PDZD2: variants seen among roughly 807,000 people sequenced by gnomAD.
PDZD2 encodes the protein PDZ domain-containing protein 2.
In PDZD2, 90 loss-of-function variants were observed where a neutral mutation model predicts 220.7. That is an observed-to-expected ratio of 0.41 (90% CI 0.34 to 0.49). The LOEUF is 0.49. Ranked by LOEUF, PDZD2 falls within the 20% of genes least tolerant of loss-of-function variation. PDZD2 has a pLI of 0.28. For missense variants in PDZD2, 3,174 were observed against 3,608.5 expected (o/e 0.88, Z 3.08); for synonymous variants, 1,375 against 1,450.5 (o/e 0.95, Z 1.18).
chr5:32,060,425 A>G (rs187851152), intron 13 of PDZD2, among the ~76,000 whole-genome samples: 20 of 152,282 alleles, frequency 1.3e-4, no homozygotes, highest in African/African-American at 4.3e-4. Flanking sequence ...ATTTGTTCAA[A>G]TTTGAAACGT....
intron 3 of PDZD2, among the ~76,000 whole-genome samples, chr5:31,989,429 T>TTTTTTTTTTTTTTTAATTTATTTATTTTA (rs1561278009): frequency 6.8e-6 from 1 of 147,724 alleles, no homozygotes; most frequent in African/African-American, 2.5e-5. Context: ...TTCTTTTTTT[T>TTTTTTTTTTTTTTTAATTTATTTATTTTA]TTTTTTTTTT....
chr5:32,006,575 C>G lies in PDZD2; in HGVS notation c.1255-3755C>G, dbSNP rs114859736. ...AATTTTTTGTAGAGGCAATCTCTCTCTGTGTTGCTCAGGCTGGTCTCAAAC... is the reference window on the plus strand; with the variant it reads ...AATTTTTTGTAGAGGCAATCTCTCTGTGTGTTGCTCAGGCTGGTCTCAAAC... On this transcript the variant is annotated intron_variant, in intron 5 of 24. Transcript: ENST00000438447. Among the ~76,000 whole-genome samples, 1,476 of 151,404 alleles carry G rather than the reference C, an allele frequency of 9.7e-3. 22 individuals carry two copies. The highest frequency in any genetic ancestry group is 0.034 in the African/African-American group (1,401 of 41,304).
intron 15 of PDZD2, among the ~76,000 whole-genome samples, chr5:32,071,070 A>T (rs1416197010): frequency 1.3e-5 from 2 of 152,256 alleles, no homozygotes; most frequent in Non-Finnish European, 2.9e-5. Flanking sequence ...ACATTATATG[A>T]TGTACATGAA....
At position 32,097,287 on chromosome 5, in the gene PDZD2, A is replaced by T. The variant is rs1743808737; in HGVS notation, c.7854A>T (p.Glu2618Asp). The T allele has an allele frequency of 5.0e-6, 8 of 1,604,946 alleles. No homozygotes were observed. Among genetic ancestry groups the T allele is most frequent in the East Asian group, 4.5e-5 (2 of 44,846 alleles). ...TTGTTTGTTTTCACTAGAATGAAGA[A>T]GATGTTTGCTTCATAGTCTTGAATA... is the stretch of plus-strand genomic sequence containing the variant. ...QEAKAQSENEEDVCFIVLNRK... is the reference protein window; with the variant it reads ...QEAKAQSENEDDVCFIVLNRK... Residue 2618 changes from glutamate (E) to aspartate (D), a missense_variant, in exon 22 of 25, where the codon GAA becomes GAT. Transcript: ENST00000438447.
At chr5:31,681,479 C>T (rs993538080) in intron 1 of PDZD2, among the ~76,000 whole-genome samples, 2 of 152,102 alleles carry the variant, frequency 1.3e-5, no homozygotes, top group Non-Finnish European at 2.9e-5. Flanking sequence ...AACTCCTGAC[C>T]TCAAGTAATC....
At chr5:32,072,428 C>T (rs1257815523) in intron 17 of PDZD2, 111 bp downstream of exon 17, 26 of 877,818 alleles carry the variant, frequency 3.0e-5, no homozygotes, top group South Asian at 1.1e-4. Context: ...CGCTGTAATA[C>T]GAGAAAAGAG....
intron 2 of PDZD2, 95 bp downstream of exon 2, chr5:31,799,819 TAAG>T (rs1266752700): frequency 1.3e-6 from 1 of 782,880 alleles, no homozygotes; most frequent in Non-Finnish European, 2.2e-6. Context: ...ATCCTGCCAA[TAAG>T]AAGCTGATGG....
intron 1 of PDZD2, among the ~76,000 whole-genome samples, chr5:31,676,462 G>T (rs1464226648): frequency 4.0e-5 from 5 of 124,528 alleles, no homozygotes; most frequent in East Asian, 4.5e-4. Context: ...AGAGAGATTG[G>T]GGTATGATGG....
chr5:31,852,747 C>A (rs191331418), intron 2 of PDZD2, among the ~76,000 whole-genome samples: 3 of 152,106 alleles, frequency 2.0e-5, no homozygotes, highest in African/African-American at 7.2e-5. Context: ...CAGGTGCCCA[C>A]CACCACACTC....
At position 32,000,661 on chromosome 5, in the gene PDZD2, C is replaced by A. The variant is rs1752033404; in HGVS notation, c.1254+390C>A. On this transcript the variant is annotated intron_variant, in intron 5 of 24. Coordinates refer to ENST00000438447, the MANE Select transcript of PDZD2 (RefSeq NM_178140.4). This position sits in a 1 kb window ranked among gnomAD's most constrained non-coding sequence, Gnocchi z 4.5. ...AAGTAGCTAGGATTACAGCCACATG[C>A]CATCACACCCGGCTAATTTTGTATT... Among the ~76,000 whole-genome samples the A allele has an allele frequency of 6.6e-6, 1 of 152,254 alleles. No homozygotes were observed. Among genetic ancestry groups the A allele is most frequent in the East Asian group, 1.9e-4 (1 of 5,172 alleles).
chr5:31,793,022 G>A (rs1753809828), intron 1 of PDZD2, among the ~76,000 whole-genome samples: 1 of 151,248 alleles, frequency 6.6e-6, no homozygotes, highest in African/African-American at 2.4e-5. Flanking sequence ...ATTTTTAGTA[G>A]AGATGGGGTT....
At chr5:31,888,259 C>G (rs1016868552) in intron 2 of PDZD2, among the ~76,000 whole-genome samples, 1 of 152,014 alleles carries the variant, frequency 6.6e-6, no homozygotes. Flanking sequence ...GTGCTATGAT[C>G]TCAGCTCACT....
chr5:32,007,196 G>A (rs901844545), intron 5 of PDZD2, among the ~76,000 whole-genome samples: 2 of 151,710 alleles, frequency 1.3e-5, no homozygotes, highest in African/African-American at 4.8e-5. Flanking sequence ...GGGATTACAG[G>A]CTTGAGCCAC....
At chr5:32,014,358 A>AT (rs1753563186) in intron 6 of PDZD2, among the ~76,000 whole-genome samples, 1 of 152,200 alleles carries the variant, frequency 6.6e-6, no homozygotes, top group Non-Finnish European at 1.5e-5. Context: ...GAGCAATGAG[A>AT]TTTTCCTCTC....
intron 2 of PDZD2, among the ~76,000 whole-genome samples, chr5:31,821,846 A>AG (rs1755886725): frequency 6.8e-6 from 1 of 147,118 alleles, no homozygotes; most frequent in South Asian, 2.1e-4. Context: ...CCCTCCCCTT[A>AG]CCCCCATCCC....
chr5:31,857,611 G>T (rs1758568502), intron 2 of PDZD2, among the ~76,000 whole-genome samples: 1 of 152,102 alleles, frequency 6.6e-6, no homozygotes, highest in South Asian at 2.1e-4. Flanking sequence ...AAAGGCTTAT[G>T]CTTTGAATGG....
At chr5:31,809,898 C>T (rs986478393) in intron 2 of PDZD2, among the ~76,000 whole-genome samples, 1 of 152,216 alleles carries the variant, frequency 6.6e-6, no homozygotes, top group African/African-American at 2.4e-5. Flanking sequence ...CTCTGGTACC[C>T]TGGTCACAAC....
Position 31,660,657 on chromosome 5 carries a change from T to A in PDZD2, c.-361+21220T>A, listed in dbSNP as rs547763467. Among the ~76,000 whole-genome samples, 4 of 152,220 alleles carry A rather than the reference T, an allele frequency of 2.6e-5. No homozygotes were observed. In the East Asian group the frequency reaches 7.7e-4, roughly 29 times the overall value. On this transcript the variant is annotated intron_variant, in intron 1 of 24. Transcript: ENST00000438447. Reference sequence around the variant, plus strand: ...GGGGGTAACTGCTGCCATGATTAAATTACCTCCCACTGAGTCCCTCCCATG... The same window carrying A: ...GGGGGTAACTGCTGCCATGATTAAAATACCTCCCACTGAGTCCCTCCCATG...
chr5:31,964,882 A>AT (rs951265278), intron 2 of PDZD2, among the ~76,000 whole-genome samples: 4 of 151,648 alleles, frequency 2.6e-5, no homozygotes, highest in African/African-American at 4.8e-5. Context: ...CGCCCGGCTA[A>AT]TTTTTTTGTA....
Sources: allele counts gnomAD v4.1 joint callset (sites outside exome capture counted in the v4.1 genomes callset), GRCh38; gene constraint gnomAD v4.1.1; non-coding constraint Gnocchi (gnomAD v3.1); transcripts MANE v1.5; gene names NCBI Gene and HGNC (gene_info 2026-07-23, HGNC 2026-07-21).